AGBL1: variants seen among roughly 807,000 people sequenced by gnomAD.
The protein encoded by AGBL1 is cytosolic carboxypeptidase 4.
Under a neutral mutation model 118.9 loss-of-function variants are expected in AGBL1, and 130 were observed. The ratio of observed to expected loss-of-function variants is 1.09; its 90% CI spans 0.95 to 1.26. The LOEUF is 1.26. Among genes scored for constraint, AGBL1 ranks in the 50% most tolerant of loss-of-function variants. The pLI is 0.00. For synonymous variants in AGBL1, 555 were observed against 478.9 expected, an observed-to-expected ratio of 1.16 and a Z score of -2.08; for missense variants, 1,584 against 1,298.1, an observed-to-expected ratio of 1.22 and a Z score of -3.38.
At chr15:86,547,725 C>T (rs1468607634) in intron 20 of AGBL1, among the ~76,000 whole-genome samples, 1 of 152,124 alleles carries the variant, frequency 6.6e-6, no homozygotes, top group Non-Finnish European at 1.5e-5. Flanking sequence ...TAATGCTCAC[C>T]TATAAGGTTC....
intron 23 of AGBL1, among the ~76,000 whole-genome samples, chr15:86,980,962 C>A (rs973989571): frequency 7.0e-6 from 1 of 143,796 alleles, no homozygotes; most frequent in South Asian, 2.2e-4. Context: ...TCTCAGCTCA[C>A]GACTGTCTCC....
At chr15:86,430,710 A>G (rs1049857014) in intron 18 of AGBL1, among the ~76,000 whole-genome samples, 5 of 152,182 alleles carry the variant, frequency 3.3e-5, no homozygotes, top group Non-Finnish European at 7.3e-5. Context: ...GCTGAGAATT[A>G]ACTTTGCTCT....
chr15:86,454,256 C>A (rs2142074477), intron 18 of AGBL1, among the ~76,000 whole-genome samples: 1 of 152,286 alleles, frequency 6.6e-6, no homozygotes, highest in Non-Finnish European at 1.5e-5. Flanking sequence ...TTGCTTATTT[C>A]ATCATTAAAA....
At chr15:86,258,904 A>C (rs1269689316) in intron 9 of AGBL1, among the ~76,000 whole-genome samples, 4 of 152,126 alleles carry the variant, frequency 2.6e-5, no homozygotes, top group Non-Finnish European at 4.4e-5. Flanking sequence ...ACAGGATTTC[A>C]CCGTATTGGC....
intron 6 of AGBL1, among the ~76,000 whole-genome samples, chr15:86,242,395 C>T (rs2073031566): frequency 6.6e-6 from 1 of 152,310 alleles, no homozygotes; most frequent in East Asian, 1.9e-4. Context: ...TTAATTCTCT[C>T]AACAGTCTCA....
At chr15:86,938,637 ATC>A (rs1230614234) in intron 23 of AGBL1, among the ~76,000 whole-genome samples, 1 of 152,122 alleles carries the variant, frequency 6.6e-6, no homozygotes. Flanking sequence ...TCAAGCCAAT[ATC>A]TCTCTCTCAG....
intron 1 of AGBL1, chr15:86,139,811 C>T (rs112932035): frequency 0.029 from 4,444 of 155,328 alleles, 87 homozygotes; most frequent in Non-Finnish European, 0.043. Context: ...TAAGTGGGGC[C>T]CACCTGGGTG....
intron 24 of AGBL1, among the ~76,000 whole-genome samples, chr15:87,018,279 C>T (rs2081627778): frequency 6.6e-6 from 1 of 152,072 alleles, no homozygotes; most frequent in African/African-American, 2.4e-5. Flanking sequence ...CATTAAGATG[C>T]TCCCCCAGAA....
chr15:86,743,919 A>G (rs1225103742), intron 22 of AGBL1, among the ~76,000 whole-genome samples: 1 of 152,178 alleles, frequency 6.6e-6, no homozygotes, highest in African/African-American at 2.4e-5. Context: ...TGACAAAAAG[A>G]AAAGACAAGT....
At chr15:86,695,269 C>G (rs2086237047) in intron 22 of AGBL1, among the ~76,000 whole-genome samples, 1 of 151,760 alleles carries the variant, frequency 6.6e-6, no homozygotes, top group African/African-American at 2.4e-5. Context: ...TTCAATCTTG[C>G]TGCTTGTTAT....
chr15:86,536,761 C>A (rs1260231397), intron 19 of AGBL1, among the ~76,000 whole-genome samples: 1 of 152,162 alleles, frequency 6.6e-6, no homozygotes, highest in Admixed American at 6.5e-5. Flanking sequence ...AAGCATTCCT[C>A]TTCAGCCTTT....
chr15:86,165,684 G>A (rs959563139), intron 5 of AGBL1, among the ~76,000 whole-genome samples: 30 of 152,222 alleles, frequency 2.0e-4, no homozygotes, highest in Middle Eastern at 3.4e-3. Flanking sequence ...ATTAGAGTCT[G>A]TGGTCTCCAG....
At chr15:86,831,984 G>A (rs1333546006) in intron 22 of AGBL1, among the ~76,000 whole-genome samples, 1 of 152,182 alleles carries the variant, frequency 6.6e-6, no homozygotes, top group African/African-American at 2.4e-5. Flanking sequence ...CTTGACTTCT[G>A]TGTCCCTGCA....
At chr15:86,306,083 T>C (rs2079836212) in intron 17 of AGBL1, among the ~76,000 whole-genome samples, 1 of 152,174 alleles carries the variant, frequency 6.6e-6, no homozygotes, top group African/African-American at 2.4e-5. Context: ...AATGTTTTGA[T>C]ACAGGCACAC....
chr15:86,512,065 C>G (rs532590852), intron 18 of AGBL1, among the ~76,000 whole-genome samples: 7 of 151,840 alleles, frequency 4.6e-5, no homozygotes, highest in African/African-American at 1.7e-4. Flanking sequence ...TGTGAATATA[C>G]GTTTATGAAA....
In AGBL1 at chr15:86,613,453, T is replaced by C. The variant is rs2142395044; in HGVS notation, c.2994+58916T>C. Among the ~76,000 whole-genome samples, 1 of 152,296 alleles carries C rather than the reference T, an allele frequency of 6.6e-6. No individual in the cohort carries two copies. Among genetic ancestry groups the C allele is most frequent in the Admixed American group, 6.5e-5 (1 of 15,294 alleles). ...GCCAGATGAGTGGCAGGAGGAGCTG[T>C]GGGCATTTAGCTCAGACAGAGAAGG... On this transcript the variant is annotated intron_variant, in intron 21 of 22. Transcript: ENST00000614907. The surrounding 1 kb of genome is among the most constrained non-coding windows in gnomAD (Gnocchi z 4.2).
intron 5 of AGBL1, among the ~76,000 whole-genome samples, chr15:86,204,467 CCCTTA>C (rs1316398890): frequency 2.0e-5 from 3 of 151,034 alleles, no homozygotes; most frequent in African/African-American, 7.3e-5. Context: ...TTGATCCCTT[CCCTTA>C]CCTTCCCTTC....
At chr15:86,652,915 TGAG>T (rs1347992361) in intron 21 of AGBL1, among the ~76,000 whole-genome samples, 2 of 152,134 alleles carry the variant, frequency 1.3e-5, no homozygotes, top group African/African-American at 2.4e-5. Flanking sequence ...GGGCATCAAA[TGAG>T]GAGAAGTCAA....
chr15:86,909,944 A>T lies in AGBL1; in HGVS notation c.*2650A>T, dbSNP rs1461019165. The T allele has an allele frequency of 6.6e-6, 1 of 152,244 alleles. No individual in the cohort carries two copies. Among genetic ancestry groups the T allele is most frequent in the African/African-American group, 2.4e-5 (1 of 41,472 alleles). 9.4% of individuals were successfully genotyped at this position (152,244 alleles called of 1,614,324 possible). A position where few individuals can be genotyped will look rare whatever the true frequency, so the allele number is the denominator to read the frequency against. ...GAAGTATTTGTTGATCCATCTATGT[A>T]ACAAATGTATATTTAACCCCTAACT... is the stretch of plus-strand genomic sequence containing the variant. On this transcript the variant is annotated 3_prime_UTR_variant, in exon 23 of 23. Coordinates refer to ENST00000614907, the MANE Select transcript of AGBL1 (RefSeq NM_001386094.1).
Sources: gnomAD v4.1 joint callset for allele counts (sites outside exome capture counted in the v4.1 genomes callset) on GRCh38, gnomAD v4.1.1 for gene constraint, Gnocchi (gnomAD v3.1) non-coding constraint, MANE v1.5 for transcripts, NCBI Gene and HGNC (gene_info 2026-07-23, HGNC 2026-07-21) for gene names.